The following DIAPH1 variants were observed in gnomAD, a reference collection of about 807,000 sequenced individuals.
DIAPH1 encodes the protein diaphanous related formin 1, also known as protein diaphanous homolog 1.
A neutral mutation model predicts 140.7 loss-of-function variants in DIAPH1; 46 were observed. The observed-to-expected ratio is 0.33, with a 90% CI of 0.26 to 0.42. The LOEUF (loss-of-function observed/expected upper bound fraction) is 0.42, where lower values mean the gene tolerates loss of function less well. DIAPH1 is among the 10% of genes least tolerant of loss of function. The pLI, the probability that DIAPH1 is intolerant of heterozygous loss-of-function variation, is 1.00. For missense variants in DIAPH1, 1,310 were observed against 1,558.7 expected, an observed-to-expected ratio of 0.84 and a Z score of 2.69; for synonymous variants, 565 against 551.6, an observed-to-expected ratio of 1.02 and a Z score of -0.34.
intron 27 of DIAPH1, among the ~76,000 whole-genome samples, chr5:141,518,117 G>A (rs187867927): frequency 6.6e-5 from 10 of 152,310 alleles, no homozygotes; most frequent in African/African-American, 2.4e-4. Context: ...AAAATAGACT[G>A]GTGGTTGCCA....
chr5:141,532,196 G>A lies in DIAPH1; in HGVS notation c.2581+2139C>T, dbSNP rs866649251. Among the ~76,000 whole-genome samples, 4 of 151,454 alleles carry A rather than the reference G, an allele frequency of 2.6e-5. No individual in the cohort carries two copies. In the South Asian group the frequency reaches 6.3e-4, roughly 24 times the overall value. On this transcript the variant is annotated intron_variant, in intron 19 of 27. Coordinates refer to ENST00000389054, the MANE Select transcript of DIAPH1 (RefSeq NM_005219.5). Reference sequence around the variant, plus strand: ...ATTTTTTGGTTTTTTTTTTTGAGACGGGTCTTACTCTGTTGCCCAGGCTGC... The same window carrying A: ...ATTTTTTGGTTTTTTTTTTTGAGACAGGTCTTACTCTGTTGCCCAGGCTGC...
At chr5:141,532,954 G>C (rs372259878) in intron 19 of DIAPH1, among the ~76,000 whole-genome samples, 2 of 152,268 alleles carry the variant, frequency 1.3e-5, no homozygotes, top group South Asian at 2.1e-4. Flanking sequence ...ATCTCCATAA[G>C]ACTTCACCAC....
chr5:141,596,776 CT>C (rs1562341112), intron 1 of DIAPH1, among the ~76,000 whole-genome samples: 1 of 152,194 alleles, frequency 6.6e-6, no homozygotes, highest in Non-Finnish European at 1.5e-5. Flanking sequence ...TTCCAATCTG[CT>C]TTGTAATCCC....
At chr5:141,562,166 A>G (rs1198801725) in intron 18 of DIAPH1, among the ~76,000 whole-genome samples, 1 of 152,104 alleles carries the variant, frequency 6.6e-6, no homozygotes, top group Non-Finnish European at 1.5e-5. Flanking sequence ...TCAAAAGGAC[A>G]TGTATACATG....
intron 18 of DIAPH1, chr5:141,560,871 G>A (rs1339006042): frequency 2.2e-6 from 1 of 453,856 alleles, no homozygotes; most frequent in East Asian, 7.0e-5. Context: ...GCTGGTTTTC[G>A]TCATACTGCT....
chr5:141,531,386 G>A (rs2099888211), intron 19 of DIAPH1, among the ~76,000 whole-genome samples: 1 of 151,320 alleles, frequency 6.6e-6, no homozygotes, highest in Non-Finnish European at 1.5e-5. Context: ...CATAGCTCAT[G>A]GCAGCCTGGA....
intron 18 of DIAPH1, chr5:141,563,953 T>C (rs2099893980): frequency 6.6e-6 from 1 of 152,182 alleles, no homozygotes; most frequent in South Asian, 2.1e-4. Context: ...GTAGGTTCTA[T>C]TATGCGCTTA....
intron 1 of DIAPH1, among the ~76,000 whole-genome samples, chr5:141,596,559 A>C (rs2099899355): frequency 6.6e-6 from 1 of 152,144 alleles, no homozygotes; most frequent in African/African-American, 2.4e-5. Context: ...TAAACACTGC[A>C]ATTCATAACA....
chr5:141,615,299 G>A (rs540045273), intron 1 of DIAPH1, among the ~76,000 whole-genome samples: 24 of 151,672 alleles, frequency 1.6e-4, no homozygotes, highest in South Asian at 1.0e-3. Flanking sequence ...TGGGTGTGGC[G>A]GCGTACACCT....
At chr5:141,609,081 G>A (rs539810721) in intron 1 of DIAPH1, among the ~76,000 whole-genome samples, 1 of 149,570 alleles carries the variant, frequency 6.7e-6, no homozygotes, top group African/African-American at 2.5e-5. Flanking sequence ...GATAGGTTTT[G>A]CAAGCACTGT....
intron 14 of DIAPH1, among the ~76,000 whole-genome samples, chr5:141,575,904 C>T (rs1446971607): frequency 1.3e-5 from 2 of 152,140 alleles, no homozygotes; most frequent in African/African-American, 4.8e-5. Context: ...CTAAGGACCC[C>T]AGTTCCTATT....
Position 141,579,118 on chromosome 5 carries a change from T to G in DIAPH1, c.903A>C (p.Gly301=). The G allele has an allele frequency of 6.2e-7, 1 of 1,614,146 alleles. No homozygotes were observed. Among genetic ancestry groups the G allele is most frequent in the Non-Finnish European group, 8.5e-7 (1 of 1,179,988 alleles). ...GTGCAATAGTGGTTCCACTTTTTAA[T>G]CCATCCAGCAGCGGCTGGAAACGTT... ...EVERFQPLLD[G]LKSGTTIALK... The change falls in exon 9 of 28, where the codon GGA becomes GGC. Residue 301 remains glycine, a synonymous_variant. Transcript: ENST00000389054.
rs755706261 is a variant in DIAPH1 at position 141,573,675 on chromosome 5, T to C, written c.2175A>G (p.Gly725=). ...PPPPPLPGGP[G]IPPPPPFPGG... ...CGGGAAATGGAGGAGGTGGAGGGAT[T>C]CCAGGACCACCAGGAAGAGGGGGAG... Residue 725 remains glycine (G), a synonymous_variant, in exon 16 of 28, where the codon GGA becomes GGG. Transcript: ENST00000389054. 1 of 1,588,412 alleles carries C rather than the reference T, an allele frequency of 6.3e-7. No individual in the cohort carries two copies. The highest frequency in any genetic ancestry group is 8.6e-7 in the Non-Finnish European group (1 of 1,166,210).
chr5:141,604,972 A>G (rs754651947), intron 1 of DIAPH1, among the ~76,000 whole-genome samples: 1 of 152,218 alleles, frequency 6.6e-6, no homozygotes, highest in Non-Finnish European at 1.5e-5. Context: ...TGATACTTCT[A>G]GCAATTGTAC....
rs1048530822 is a variant in DIAPH1 at position 141,588,679 on chromosome 5, T to C, written c.118-429A>G. On this transcript the variant is annotated intron_variant, in intron 1 of 27. Transcript: ENST00000389054. ...CCAACAGGAACTCTTGGTGGTACTA[T>C]AGAATGCTATAGCCACTTTGGAAAA... 9.9e-5 allele frequency among the ~76,000 whole-genome samples: 15 copies of C among 152,270 alleles called. No individual in the cohort carries two copies. In the East Asian group the frequency reaches 2.7e-3, roughly 27 times the overall value.
intron 19 of DIAPH1, among the ~76,000 whole-genome samples, 162 bp from the exon 20 acceptor site, chr5:141,529,859 G>A (rs1052643222): frequency 6.6e-6 from 1 of 152,102 alleles, no homozygotes; most frequent in African/African-American, 2.4e-5. Context: ...CAAGGTGGGC[G>A]GATCGCTTGA....
intron 18 of DIAPH1, chr5:141,561,040 T>A: frequency 2.4e-6 from 1 of 416,678 alleles, no homozygotes; most frequent in Non-Finnish European, 4.8e-6. Context: ...ATCTGGAACC[T>A]GAGCCAAAAT....
At chr5:141,614,563 T>C (rs142095939) in intron 1 of DIAPH1, among the ~76,000 whole-genome samples, 3 of 152,250 alleles carry the variant, frequency 2.0e-5, no homozygotes, top group African/African-American at 7.2e-5. Context: ...TTAAAAAAAT[T>C]TACCAACTCT....
At chr5:141,614,936 A>C (rs1339663884) in intron 1 of DIAPH1, among the ~76,000 whole-genome samples, 1 of 152,234 alleles carries the variant, frequency 6.6e-6, no homozygotes, top group East Asian at 1.9e-4. Context: ...TAATGTTTTA[A>C]GAGGATATAA....
Sources: gnomAD v4.1 joint callset for allele counts (sites outside exome capture counted in the v4.1 genomes callset) on GRCh38, gnomAD v4.1.1 for gene constraint, MANE v1.5 for transcripts, NCBI Gene and HGNC (gene_info 2026-07-23, HGNC 2026-07-21) for gene names.